Variants in NCOA1 observed in about 807,000 individuals in gnomAD.
The protein encoded by NCOA1 is nuclear receptor coactivator 1.
A neutral mutation model predicts 150.9 loss-of-function variants in NCOA1; 35 were observed. That is an observed-to-expected ratio of 0.23 (90% confidence interval 0.18 to 0.31). The LOEUF is 0.31. NCOA1 is among the 10% of genes least tolerant of loss of function. The probability of loss-of-function intolerance (pLI) is 1.00; values close to 1 mark genes in which losing one functional copy is unlikely to be tolerated. For missense variants in NCOA1, 1,491 were observed against 1,749.3 expected, an observed-to-expected ratio of 0.85 and a Z score of 2.63; for synonymous variants, 590 against 630.0, an observed-to-expected ratio of 0.94 and a Z score of 0.95.
chr2:24,672,433 C>T (rs11676900), intron 6 of NCOA1, among the ~76,000 whole-genome samples: 1 of 152,028 alleles, frequency 6.6e-6, no homozygotes, highest in South Asian at 2.1e-4. Context: ...CTCATCCTGA[C>T]ACCCAGGCTG....
chr2:24,514,140 T>C (rs1316543217), intron 1 of NCOA1, among the ~76,000 whole-genome samples: 1 of 151,550 alleles, frequency 6.6e-6, no homozygotes, highest in Non-Finnish European at 1.5e-5. Context: ...TACAAAAAAT[T>C]AGCCGGGTGT....
At chr2:24,524,189 G>C (rs1664557750) in intron 1 of NCOA1, among the ~76,000 whole-genome samples, 1 of 152,132 alleles carries the variant, frequency 6.6e-6, no homozygotes, top group East Asian at 1.9e-4. Context: ...ATGTTTTTCA[G>C]ATACTTCCGG....
chr2:24,693,992 G>A (rs1191266767), intron 10 of NCOA1, among the ~76,000 whole-genome samples: 1 of 152,160 alleles, frequency 6.6e-6, no homozygotes, highest in African/African-American at 2.4e-5. Flanking sequence ...TAAAGTATGG[G>A]TCTTGGAAGG....
intron 1 of NCOA1, among the ~76,000 whole-genome samples, chr2:24,529,305 A>G (rs1572386600): frequency 6.6e-6 from 1 of 152,230 alleles, no homozygotes; most frequent in African/African-American, 2.4e-5. Context: ...ATACTGCGTC[A>G]TTAATCAACA....
intron 2 of NCOA1, among the ~76,000 whole-genome samples, chr2:24,567,367 C>T (rs1666558581): frequency 6.6e-6 from 1 of 152,124 alleles, no homozygotes. Flanking sequence ...TATATCTTTT[C>T]TTCTTACTTT....
rs541738346 is a variant in NCOA1 at position 24,740,381 on chromosome 2, TG to T, written c.3303+850del. Among the ~76,000 whole-genome samples the T allele has an allele frequency of 1.6e-3, 250 of 152,332 alleles. 5 individuals are homozygous for T. Among genetic ancestry groups the T allele is most frequent in the Non-Finnish European group, 4.4e-4 (30 of 68,022 alleles). On this transcript the variant is annotated intron_variant, in intron 18 of 22. Transcript: ENST00000348332. The stretch of plus-strand genomic sequence containing the variant: ...ACATGGTATAGCCTACTTAGCATCC[TG>T]GCTATGTGTATAGCCTATTGCTCCT...
intron 3 of NCOA1, among the ~76,000 whole-genome samples, chr2:24,622,625 A>G (rs1342028361): frequency 6.6e-6 from 1 of 152,202 alleles, no homozygotes; most frequent in Non-Finnish European, 1.5e-5. Context: ...GACCCTTACC[A>G]GTGCTGGATT....
chr2:24,722,989 C>CAAAAA (rs5829932), intron 14 of NCOA1, among the ~76,000 whole-genome samples: 2 of 89,980 alleles, frequency 2.2e-5, no homozygotes, highest in African/African-American at 4.8e-5. Flanking sequence ...ACCCTGTCTC[C>CAAAAA]AAAAAAAAAA....
chr2:24,733,515 G>A (rs542306585), intron 17 of NCOA1, among the ~76,000 whole-genome samples: 19 of 152,226 alleles, frequency 1.2e-4, no homozygotes, highest in African/African-American at 2.2e-4. Context: ...AGGCCGAGGC[G>A]GGTGGGTTGC....
chr2:24,769,570 GA>G lies in NCOA1; in HGVS notation c.*1185del, dbSNP rs1665227116. The G allele has an allele frequency of 4.9e-6, 1 of 203,090 alleles. No individual in the cohort carries two copies. Among genetic ancestry groups the G allele is most frequent in the Admixed American group, 6.0e-5 (1 of 16,714 alleles). 12.6% of individuals were successfully genotyped at this position (203,090 alleles called of 1,614,324 possible). A position where few individuals can be genotyped will look rare whatever the true frequency, so the allele number is the denominator to read the frequency against. On this transcript the variant is annotated 3_prime_UTR_variant, in exon 23 of 23. Transcript: ENST00000348332. ...GAAGTGCACAGGCTACTTGTACAGAGAAAAAATTAATACTCAAAGGAAATCT... is the reference window on the plus strand; with the variant it reads ...GAAGTGCACAGGCTACTTGTACAGAGAAAAATTAATACTCAAAGGAAATCT...
At chr2:24,502,352 A>G (rs919753544) in intron 1 of NCOA1, among the ~76,000 whole-genome samples, 8 of 152,120 alleles carry the variant, frequency 5.3e-5, no homozygotes, top group Admixed American at 3.9e-4. Context: ...CTCCTCACTG[A>G]CATTCTAGTT....
chr2:24,691,111 T>G (rs1672649971), intron 8 of NCOA1, among the ~76,000 whole-genome samples: 1 of 152,176 alleles, frequency 6.6e-6, no homozygotes, highest in Non-Finnish European at 1.5e-5. Context: ...GTACCTGTGG[T>G]TTTGAATCAT....
intron 7 of NCOA1, among the ~76,000 whole-genome samples, chr2:24,678,065 GTGT>G (rs1672000616): frequency 6.6e-6 from 1 of 152,030 alleles, no homozygotes. Context: ...GCCTCAGTGT[GTGT>G]TGTTCCCTCT....
chr2:24,745,955 T>C (rs962126198), intron 19 of NCOA1, among the ~76,000 whole-genome samples: 2 of 152,192 alleles, frequency 1.3e-5, no homozygotes, highest in Admixed American at 1.3e-4. Context: ...CTCAGATATA[T>C]CTCCTCTGCA....
chr2:24,724,274 A>G (rs1410657556), intron 14 of NCOA1, among the ~76,000 whole-genome samples: 1 of 152,102 alleles, frequency 6.6e-6, no homozygotes, highest in Admixed American at 6.5e-5. Context: ...AAATGACTGT[A>G]TTGTCCTGTA....
intron 1 of NCOA1, among the ~76,000 whole-genome samples, chr2:24,522,378 A>C (rs141751852): frequency 6.6e-6 from 1 of 152,346 alleles, no homozygotes; most frequent in East Asian, 1.9e-4. Flanking sequence ...TTAGAAGTCT[A>C]CAGTGTTCAA....
rs1411382256 is a variant in NCOA1, at chr2:24,707,023, C to G, written c.1553C>G (p.Pro518Arg). 27 of 1,614,072 alleles carry G rather than the reference C, an allele frequency of 1.7e-5. No homozygotes were observed. Among genetic ancestry groups the G allele is most frequent in the Non-Finnish European group, 2.3e-5 (27 of 1,180,036 alleles). Residue 518 changes from proline to arginine, a missense_variant, in exon 13 of 23, where the codon CCC becomes CGC. Transcript: ENST00000348332. ...FPPNISTLSS[P>R]VGMTSSACNN... Reference sequence around the variant, plus strand: ...CCTAATATTTCGACATTAAGCTCTCCCGTTGGCATGACAAGTAGTGCCTGT... The same window carrying G: ...CCTAATATTTCGACATTAAGCTCTCGCGTTGGCATGACAAGTAGTGCCTGT...
intron 1 of NCOA1, among the ~76,000 whole-genome samples, chr2:24,514,543 C>T (rs11125632): frequency 0.15 from 22,387 of 151,770 alleles, 2,017 homozygotes; most frequent in Non-Finnish European, 0.2. Flanking sequence ...TAGCTCACAA[C>T]CGTAATCTTA....
intron 3 of NCOA1, among the ~76,000 whole-genome samples, chr2:24,618,300 T>A (rs1348413974): frequency 6.6e-6 from 1 of 152,220 alleles, no homozygotes; most frequent in Non-Finnish European, 1.5e-5. Flanking sequence ...CACGGCAGCC[T>A]CTTGACTTTG....
Sources: gnomAD v4.1 joint callset for allele counts (sites outside exome capture counted in the v4.1 genomes callset) on GRCh38, gnomAD v4.1.1 for gene constraint, MANE v1.5 for transcripts, NCBI Gene and HGNC (gene_info 2026-07-23, HGNC 2026-07-21) for gene names.